The following PTPRN2 variants were observed in gnomAD, a reference collection of about 807,000 sequenced individuals.
PTPRN2 encodes receptor-type tyrosine-protein phosphatase N2.
Under a neutral mutation model 118.8 loss-of-function variants are expected in PTPRN2, and 74 were observed. The ratio of observed to expected loss-of-function variants is 0.62; its 90% CI spans 0.52 to 0.76. The LOEUF (loss-of-function observed/expected upper bound fraction) is 0.76. PTPRN2 is among the 30% of genes least tolerant of loss of function. The probability of loss-of-function intolerance (pLI) is 0.00; values close to 1 mark genes in which losing one functional copy is unlikely to be tolerated. For synonymous variants in PTPRN2, 641 were observed against 608.0 expected, an observed-to-expected ratio of 1.05 and a Z score of -0.80; for missense variants, 1,481 against 1,394.4, an observed-to-expected ratio of 1.06 and a Z score of -0.99.
At chr7:157,980,377 C>T (rs1347079302) in intron 11 of PTPRN2, among the ~76,000 whole-genome samples, 1 of 152,206 alleles carries the variant, frequency 6.6e-6, no homozygotes, top group African/African-American at 2.4e-5. Context: ...TGTTTCAAAG[C>T]CAAACTAAAT....
chr7:157,593,041 G>A (rs1231480148), intron 17 of PTPRN2, among the ~76,000 whole-genome samples: 6 of 125,184 alleles, frequency 4.8e-5, no homozygotes, highest in African/African-American at 9.1e-5. Flanking sequence ...CCTGCTGAAT[G>A]GAGGGTGGAT....
At chr7:158,548,487 C>T (rs1000872450) in intron 1 of PTPRN2, among the ~76,000 whole-genome samples, 2 of 152,216 alleles carry the variant, frequency 1.3e-5, no homozygotes, top group African/African-American at 4.8e-5. Context: ...GCCACTCCAC[C>T]GAGCTCCGCC....
At chr7:158,402,583 A>T (rs2151408427) in intron 2 of PTPRN2, among the ~76,000 whole-genome samples, 1 of 152,304 alleles carries the variant, frequency 6.6e-6, no homozygotes, top group East Asian at 1.9e-4. Flanking sequence ...TTGGCAGATA[A>T]ATTAAAGCCC....
chr7:157,656,446 G>C lies in PTPRN2; in HGVS notation c.2107C>G (p.Pro703Ala). 8 of 1,553,934 alleles carry C rather than the reference G, an allele frequency of 5.1e-6. No homozygotes were observed. Among genetic ancestry groups the C allele is most frequent in the Non-Finnish European group, 7.0e-6 (8 of 1,149,778 alleles). Residue 703 changes from proline (P) to alanine (A), a missense_variant, in exon 14 of 23, where the codon CCC becomes GCC. Physicochemically the swap from Pro to Ala is conservative, Grantham distance 27. Transcript: ENST00000389418. ...GCGCTGCTGCGTGCGGAGGGGCTGG[G>C]GATCGGCCCGTCGCTGAACTGGGAT... ...VSSQFSDGPI[P>A]SPSARSSASS...
chr7:157,663,443 C>T (rs1176064939), intron 13 of PTPRN2, among the ~76,000 whole-genome samples: 2 of 152,214 alleles, frequency 1.3e-5, no homozygotes, highest in East Asian at 3.9e-4. Flanking sequence ...AAATTCCTCA[C>T]AAGTGAGCTG....
intron 5 of PTPRN2, among the ~76,000 whole-genome samples, chr7:158,169,501 A>G (rs36021156): frequency 0.65 from 97,410 of 150,390 alleles, 32,155 homozygotes; most frequent in East Asian, 0.85. Flanking sequence ...GGCTGGTCTC[A>G]AACTCCTGGC....
chr7:158,478,968 A>AAC (rs1187273417), intron 2 of PTPRN2, among the ~76,000 whole-genome samples: 4 of 152,218 alleles, frequency 2.6e-5, no homozygotes, highest in African/African-American at 7.2e-5. Context: ...TCACTGGGGA[A>AAC]ACACACATCT....
At chr7:158,045,522 G>T (rs1808776214) in intron 11 of PTPRN2, among the ~76,000 whole-genome samples, 1 of 152,194 alleles carries the variant, frequency 6.6e-6, no homozygotes, top group African/African-American at 2.4e-5. Context: ...GAATCAGAGA[G>T]GTGTGCCCCA....
intron 10 of PTPRN2, among the ~76,000 whole-genome samples, chr7:158,083,809 C>T (rs891957084): frequency 1.3e-5 from 2 of 152,180 alleles, no homozygotes; most frequent in African/African-American, 4.8e-5. Context: ...TGCACTGAGC[C>T]CTGGCTCTGG....
intron 2 of PTPRN2, among the ~76,000 whole-genome samples, chr7:158,319,509 C>T (rs59995889): frequency 0.32 from 11,746 of 36,286 alleles, 3,679 homozygotes; most frequent in Non-Finnish European, 0.38. Context: ...CAGCCTCCCC[C>T]CACACACACA....
intron 2 of PTPRN2, among the ~76,000 whole-genome samples, chr7:158,459,324 A>C (rs1467950561): frequency 2.1e-5 from 3 of 145,910 alleles, no homozygotes; most frequent in Non-Finnish European, 4.5e-5. Context: ...CAGAATCCAG[A>C]GCACCCGCCT....
chr7:157,925,120 T>C (rs1798898477), intron 11 of PTPRN2, among the ~76,000 whole-genome samples: 1 of 120,350 alleles, frequency 8.3e-6, no homozygotes, highest in African/African-American at 3.4e-5. Flanking sequence ...GTTATTGAAG[T>C]GTAGTCAGGA....
At chr7:158,362,406 T>A (rs1809062741) in intron 2 of PTPRN2, among the ~76,000 whole-genome samples, 1 of 145,178 alleles carries the variant, frequency 6.9e-6, no homozygotes, top group East Asian at 2.0e-4. Flanking sequence ...AGAAGAAAAA[T>A]TTGACTTTAT....
chr7:158,579,772 C>T (rs1328372455), intron 1 of PTPRN2, among the ~76,000 whole-genome samples: 1 of 152,176 alleles, frequency 6.6e-6, no homozygotes, highest in Non-Finnish European at 1.5e-5. Context: ...ATTTCTGTTA[C>T]CTTAACTGAT....
At chr7:158,363,034 C>G (rs4909073) in intron 2 of PTPRN2, among the ~76,000 whole-genome samples, 146,706 of 152,264 alleles carry the variant, frequency 0.96, 70,737 homozygotes, top group African/African-American at 0.99. Flanking sequence ...GCGGCCCCAG[C>G]TGTCTCCGCA....
intron 3 of PTPRN2, among the ~76,000 whole-genome samples, chr7:158,230,622 G>GT (rs1201646863): frequency 6.6e-6 from 1 of 151,312 alleles, no homozygotes; most frequent in Admixed American, 6.6e-5. Context: ...TGTTTAAGTT[G>GT]TTTTTTATAA....
rs1796560172 is a variant in PTPRN2, at chr7:157,674,365, A to G, written c.2001+8360T>C. ...TCAGCCTTCCTTATCCACGTCCTCG[A>G]AGTGATCCCCGTTTGACATTTGGAA... is the stretch of plus-strand genomic sequence containing the variant. On this transcript the variant is annotated intron_variant, in intron 13 of 22. Coordinates refer to ENST00000389418, the MANE Select transcript of PTPRN2 (RefSeq NM_002847.5). The surrounding 1 kb of genome is among the most constrained non-coding windows in gnomAD (Gnocchi z 4.5). Among the ~76,000 whole-genome samples the G allele has an allele frequency of 6.6e-6, 1 of 152,126 alleles. No homozygotes were observed. The highest frequency in any genetic ancestry group is 6.5e-5 in the Admixed American group (1 of 15,286).
chr7:157,907,557 CCT>C (rs1461302901), intron 11 of PTPRN2, among the ~76,000 whole-genome samples: 1 of 139,858 alleles, frequency 7.2e-6, no homozygotes. Flanking sequence ...GCAGTATCTC[CCT>C]GTCTCCTGTG....
intron 6 of PTPRN2, among the ~76,000 whole-genome samples, chr7:158,159,861 C>T (rs1340855992): frequency 6.6e-6 from 1 of 152,186 alleles, no homozygotes; most frequent in Non-Finnish European, 1.5e-5. Flanking sequence ...ATTACATGCT[C>T]ATGGCTAGCA....
Sources: allele counts gnomAD v4.1 joint callset (sites outside exome capture counted in the v4.1 genomes callset), GRCh38; gene constraint gnomAD v4.1.1; non-coding constraint Gnocchi (gnomAD v3.1); transcripts MANE v1.5; gene names NCBI Gene and HGNC (gene_info 2026-07-23, HGNC 2026-07-21).